GREB1: variants seen among roughly 807,000 people sequenced by gnomAD.
GREB1 encodes the protein growth regulating estrogen receptor binding 1.
Under a neutral mutation model 200.7 loss-of-function variants are expected in GREB1, and 106 were observed. That is an observed-to-expected ratio of 0.53 (90% CI 0.45 to 0.62). The LOEUF is 0.62. Among genes scored for constraint, GREB1 ranks in the 20% least tolerant of loss-of-function variants. GREB1 has a pLI of 0.00. For missense variants in GREB1, 2,243 were observed against 2,556.8 expected, an observed-to-expected ratio of 0.88 and a Z score of 2.65; for synonymous variants, 1,132 against 1,092.4, an observed-to-expected ratio of 1.04 and a Z score of -0.72.
At chr2:11,574,897 G>C (rs967834366) in intron 4 of GREB1, among the ~76,000 whole-genome samples, 4 of 152,232 alleles carry the variant, frequency 2.6e-5, no homozygotes, top group African/African-American at 4.8e-5. Flanking sequence ...AGAGGGAATA[G>C]GACTGTGGAA....
At chr2:11,578,494 TC>T in intron 6 of GREB1, 63 bp downstream of exon 6, 1 of 1,536,354 alleles carries the variant, frequency 6.5e-7, no homozygotes, top group Non-Finnish European at 8.9e-7. Flanking sequence ...CTCCGATGTG[TC>T]CGGTTGACTA....
chr2:11,574,939 G>C (rs906157446), intron 4 of GREB1, among the ~76,000 whole-genome samples: 1 of 152,222 alleles, frequency 6.6e-6, no homozygotes, highest in Non-Finnish European at 1.5e-5. Flanking sequence ...CCTATGGCGA[G>C]GCCAAGAGAT....
intron 9 of GREB1, among the ~76,000 whole-genome samples, chr2:11,587,148 C>G (rs1669412603): frequency 6.6e-6 from 1 of 152,196 alleles, no homozygotes; most frequent in South Asian, 2.1e-4. Flanking sequence ...CGCTGCCTCT[C>G]TGTTTACACT....
chr2:11,591,600 T>C (rs1680738913), intron 10 of GREB1: 1 of 623,350 alleles, frequency 1.6e-6, no homozygotes, highest in Non-Finnish European at 2.9e-6. Flanking sequence ...GCTTGTCCGA[T>C]GCACCGTTCG....
At chr2:11,532,753 C>T (rs796992852), upstream of GREB1, among the ~76,000 whole-genome samples, 5 of 152,244 alleles carry the variant, frequency 3.3e-5, no homozygotes, top group African/African-American at 1.2e-4. Context: ...CCCACTAGCG[C>T]AGTGGAAACA....
chr2:11,636,634 C>T (rs952945484), intron 30 of GREB1, among the ~76,000 whole-genome samples: 6 of 152,274 alleles, frequency 3.9e-5, no homozygotes, highest in African/African-American at 9.6e-5. Flanking sequence ...GTGTGTGTCG[C>T]GGGGAGACCT....
Position 11,612,710 on chromosome 2 carries a change from C to T in GREB1, c.3122+100C>T. 4.2e-6 allele frequency: 3 copies of T among 706,190 alleles called. No homozygotes were observed. The Admixed American group carries it at 7.3e-5, about 17-fold the overall frequency. The allele number at this position is 706,190 out of a possible 1,614,324, so 43.7% of individuals were successfully genotyped here. A position where few individuals can be genotyped will look rare whatever the true frequency, so the allele number is the denominator to read the frequency against. ...GGGGCTGCTGTGCCCTGACGGTAGG[C>T]AGCACCACTCACATTCACAGGCCCC... On this transcript the variant is annotated intron_variant, in intron 19 of 32. Coordinates refer to ENST00000381486, the MANE Select transcript of GREB1 (RefSeq NM_014668.4).
rs754147418 is a variant in GREB1 at position 11,600,839 on chromosome 2, G to A, written c.2373G>A (p.Ser791=). 3.8e-5 allele frequency: 61 copies of A among 1,614,014 alleles called. 1 individual carries two copies. Among genetic ancestry groups the A allele is most frequent in the South Asian group, 1.2e-4 (11 of 91,084 alleles). ...VHNLYSQSDP[S]VGLVDRLLNC... Reference sequence around the variant, plus strand: ...ACCTCTATTCTCAAAGTGACCCGTCGGTGGGATTGGTGGACCGATTGCTCA... The same window carrying A: ...ACCTCTATTCTCAAAGTGACCCGTCAGTGGGATTGGTGGACCGATTGCTCA... Residue 791 remains serine (S), a synonymous_variant, in exon 16 of 33, where the codon TCG becomes TCA. Coordinates refer to ENST00000381486, the MANE Select transcript of GREB1 (RefSeq NM_014668.4).
chr2:11,599,137 G>C (rs1311829853), intron 15 of GREB1, among the ~76,000 whole-genome samples: 1 of 152,108 alleles, frequency 6.6e-6, no homozygotes, highest in Admixed American at 6.5e-5. Flanking sequence ...GAGTGGGAGG[G>C]TGTTAGTGGC....
intron 1 of GREB1, among the ~76,000 whole-genome samples, chr2:11,544,779 G>A (rs1159112953): frequency 6.6e-6 from 1 of 152,138 alleles, no homozygotes; most frequent in East Asian, 1.9e-4. Context: ...CAGGAGATGG[G>A]TCTGCAGGCC....
At chr2:11,600,722 A>G in intron 15 of GREB1, 78 bp from the exon 16 acceptor site, 1 of 1,175,924 alleles carries the variant, frequency 8.5e-7, no homozygotes, top group South Asian at 1.3e-5. Flanking sequence ...GTTAGTTATA[A>G]ATTTATTCAA....
rs1678884488 is a variant in GREB1, at chr2:11,576,625, C to T, written c.637+90C>T. The stretch of plus-strand genomic sequence containing the variant: ...TCGGTGTGATGCTGGGGAGAGGCCC[C>T]TGCATAGCAGCACACATCACGGGCA... On this transcript the variant is annotated intron_variant, in intron 5 of 32. Coordinates refer to ENST00000381486, the MANE Select transcript of GREB1 (RefSeq NM_014668.4). The T allele has an allele frequency of 4.2e-6, 4 of 950,788 alleles. No homozygotes were observed. The South Asian group carries it at 6.3e-5, about 15-fold the overall frequency. 58.9% of individuals were successfully genotyped at this position (950,788 alleles called of 1,614,324 possible). A position where few individuals can be genotyped will look rare whatever the true frequency, so the allele number is the denominator to read the frequency against.
At chr2:11,589,767 T>C (rs955146698) in intron 10 of GREB1, among the ~76,000 whole-genome samples, 1 of 152,122 alleles carries the variant, frequency 6.6e-6, no homozygotes, top group Non-Finnish European at 1.5e-5. Flanking sequence ...GGAGGGGCTA[T>C]TCTGAAGGTA....
At chr2:11,546,538 A>G (rs1045919347) in intron 1 of GREB1, among the ~76,000 whole-genome samples, 1 of 152,354 alleles carries the variant, frequency 6.6e-6, no homozygotes, top group East Asian at 1.9e-4. Flanking sequence ...GAATAGGTAG[A>G]TGAGCTATAA....
intron 12 of GREB1, 41 bp from the exon 13 acceptor site, chr2:11,596,070 A>G (rs1301719938): frequency 6.3e-6 from 10 of 1,587,826 alleles, no homozygotes; most frequent in Admixed American, 1.7e-5. Flanking sequence ...GCTGAATTTC[A>G]CTGACATCAA....
rs936386865 is a variant in GREB1, at chr2:11,640,649, A to G, written c.*195A>G. The G allele has an allele frequency of 6.7e-6, 4 of 595,642 alleles. No individual in the cohort carries two copies. Among genetic ancestry groups the G allele is most frequent in the Non-Finnish European group, 1.1e-5 (4 of 348,122 alleles). 36.9% of individuals were successfully genotyped at this position (595,642 alleles called of 1,614,324 possible). ...CCAGGAAGACTCCGCAGTGGGTGAG[A>G]ATGAAAACTTGAGACTCCCAAGTTC... On this transcript the variant is annotated 3_prime_UTR_variant, in exon 33 of 33. Transcript: ENST00000381486. The surrounding 1 kb of genome is among the most constrained non-coding windows in gnomAD (Gnocchi z 4.6).
chr2:11,583,677 G>A (rs1679750997), intron 7 of GREB1, among the ~76,000 whole-genome samples: 1 of 151,988 alleles, frequency 6.6e-6, no homozygotes, highest in South Asian at 2.1e-4. Context: ...TGACCAACAC[G>A]GTGAAACCCT....
chr2:11,640,730 T>A lies in GREB1; in HGVS notation c.*276T>A. ...AAGCCCATTTCACGAGGAACAAAGA[T>A]TTACTTCCTGTCCTGCCATTCGTGT... On this transcript the variant is annotated 3_prime_UTR_variant, in exon 33 of 33. Transcript: ENST00000381486. This position sits in a 1 kb window ranked among gnomAD's most constrained non-coding sequence, Gnocchi z 4.6. 1 of 407,222 alleles carries A rather than the reference T, an allele frequency of 2.5e-6. No individual in the cohort carries two copies. The highest frequency in any genetic ancestry group is 4.3e-6 in the Non-Finnish European group (1 of 230,218). 25.2% of individuals were successfully genotyped at this position (407,222 alleles called of 1,614,324 possible).
At chr2:11,587,718 C>A (rs984272236) in intron 9 of GREB1, 1 of 1,189,350 alleles carries the variant, frequency 8.4e-7, no homozygotes, top group Non-Finnish European at 1.0e-6. Flanking sequence ...CACACACACA[C>A]ACACACACAC....
Sources: gnomAD v4.1 joint callset for allele counts (sites outside exome capture counted in the v4.1 genomes callset) on GRCh38, gnomAD v4.1.1 for gene constraint, Gnocchi (gnomAD v3.1) non-coding constraint, MANE v1.5 for transcripts, NCBI Gene and HGNC (gene_info 2026-07-23, HGNC 2026-07-21) for gene names.